MDN1: variants seen among roughly 807,000 people sequenced by gnomAD.
MDN1 encodes the protein midasin AAA ATPase 1.
A neutral mutation model predicts 669.2 loss-of-function variants in MDN1; 266 were observed. The ratio of observed to expected loss-of-function variants is 0.40; its 90% CI spans 0.36 to 0.44. The LOEUF (loss-of-function observed/expected upper bound fraction) is 0.44. Ranked by LOEUF, MDN1 falls within the 20% of genes least tolerant of loss-of-function variation. MDN1 has a pLI of 1.00. For synonymous variants in MDN1, 2,385 were observed against 2,457.1 expected, an observed-to-expected ratio of 0.97 and a Z score of 0.87; for missense variants, 5,940 against 6,754.0, an observed-to-expected ratio of 0.88 and a Z score of 4.22.
chr6:89,681,127 T>G (rs1472427454), intron 73 of MDN1, among the ~76,000 whole-genome samples: 38 of 152,092 alleles, frequency 2.5e-4, no homozygotes, highest in Non-Finnish European at 5.9e-5. Context: ...CCTACTCCTG[T>G]GACCAGTTAC....
At chr6:89,708,196 G>C (rs578167704) in intron 51 of MDN1, among the ~76,000 whole-genome samples, 1 of 152,162 alleles carries the variant, frequency 6.6e-6, no homozygotes, top group Non-Finnish European at 1.5e-5. Context: ...CCAGGTACTT[G>C]GGAGGCTGAG....
Position 89,787,888 on chromosome 6 carries a change from C to T in MDN1, c.1300G>A (p.Val434Met), listed in dbSNP as rs1338936220. ...GCAAAAAACTGAAATCCAGGTGCCA[C>T]TTTCAGACAGTCACCTCGGCCAGGA... ...LIPGRGDCLK[V>M]APGFQFFATR... The change falls in exon 8 of 102, where the codon GTG becomes ATG. Residue 434 changes from valine to methionine, a missense_variant. Coordinates refer to ENST00000369393, the MANE Select transcript of MDN1 (RefSeq NM_014611.3). 6.2e-7 allele frequency: 1 copy of T among 1,613,582 alleles called. No individual in the cohort carries two copies. Among genetic ancestry groups the T allele is most frequent in the East Asian group, 2.2e-5 (1 of 44,894 alleles).
rs1306278416 is a variant in MDN1, at chr6:89,656,820, A to G, written c.15184-19T>C. 6.2e-7 allele frequency: 1 copy of G among 1,602,954 alleles called. No homozygotes were observed. The highest frequency in any genetic ancestry group is 1.7e-5 in the Admixed American group (1 of 59,204). ...CGTGTTCCTAGGAAATCCAAGCCAC[A>G]AAAGAATGAGGTGAAAGAAGCTATT... On this transcript the variant is annotated intron_variant, in intron 90 of 101. Coordinates refer to ENST00000369393, the MANE Select transcript of MDN1 (RefSeq NM_014611.3).
intron 1 of MDN1, among the ~76,000 whole-genome samples, chr6:89,806,163 C>T (rs1398634340): frequency 6.6e-6 from 1 of 152,104 alleles, no homozygotes; most frequent in African/African-American, 2.4e-5. Flanking sequence ...ATCTCAAACT[C>T]CTGAGCTCAA....
chr6:89,796,334 A>AAAC (rs1554199806), intron 2 of MDN1, among the ~76,000 whole-genome samples: 1 of 111,472 alleles, frequency 9.0e-6, no homozygotes, highest in African/African-American at 2.7e-5. Flanking sequence ...CAAAAAAAAA[A>AAAC]AAAAAAAAAA....
chr6:89,768,972 T>G (rs758381820), intron 15 of MDN1, among the ~76,000 whole-genome samples: 3 of 151,984 alleles, frequency 2.0e-5, no homozygotes, highest in Admixed American at 6.6e-5. Flanking sequence ...AAGGATCACT[T>G]GAGCCCAGAA....
At chr6:89,722,901 C>A in intron 40 of MDN1, 54 bp downstream of exon 40, 2 of 1,502,726 alleles carry the variant, frequency 1.3e-6, no homozygotes, top group South Asian at 1.3e-5. Flanking sequence ...TTCTCACCCA[C>A]AGGAAATCAA....
At chr6:89,644,987 G>T in intron 101 of MDN1, 28 bp downstream of exon 101, 1 of 1,569,666 alleles carries the variant, frequency 6.4e-7, no homozygotes, top group Non-Finnish European at 8.7e-7. Context: ...TTTACCTCCA[G>T]AAAAGGTGGC....
intron 30 of MDN1, 60 bp from the exon 31 acceptor site, chr6:89,743,340 G>T (rs1283674869): frequency 6.3e-7 from 1 of 1,596,252 alleles, no homozygotes; most frequent in East Asian, 2.2e-5. Context: ...CAATATACAT[G>T]CAGCTGGCTG....
chr6:89,699,175 C>A, intron 58 of MDN1, 140 bp from the exon 59 acceptor site: 1 of 710,440 alleles, frequency 1.4e-6, no homozygotes, highest in Non-Finnish European at 2.2e-6. Flanking sequence ...TCTCTGCCAC[C>A]CCAGTCAACT....
intron 69 of MDN1, 79 bp downstream of exon 69, chr6:89,686,823 C>A: frequency 6.5e-7 from 1 of 1,543,452 alleles, no homozygotes; most frequent in Non-Finnish European, 8.8e-7. Context: ...GAAGCGGGAG[C>A]AGGAAAATCC....
At chr6:89,800,039 G>C (rs1204493708) in intron 2 of MDN1, among the ~76,000 whole-genome samples, 1 of 152,046 alleles carries the variant, frequency 6.6e-6, no homozygotes, top group Non-Finnish European at 1.5e-5. Context: ...AACTGCCAGA[G>C]AGGAGAAAGG....
chr6:89,733,437 G>A (rs75657409), intron 33 of MDN1, among the ~76,000 whole-genome samples: 5 of 151,716 alleles, frequency 3.3e-5, no homozygotes, highest in Admixed American at 6.6e-5. Flanking sequence ...TTTATAAAAC[G>A]TCTTAAGTCA....
At chr6:89,711,925 C>T (rs1813958411) in intron 49 of MDN1, 111 bp downstream of exon 49, 2 of 1,005,114 alleles carry the variant, frequency 2.0e-6, no homozygotes, top group Non-Finnish European at 2.9e-6. Flanking sequence ...AGGAGACCTC[C>T]CAACTGTAAT....
At chr6:89,696,688 A>C in intron 59 of MDN1, 114 bp from the exon 60 acceptor site, 2 of 731,726 alleles carry the variant, frequency 2.7e-6, no homozygotes, top group South Asian at 3.4e-5. Flanking sequence ...GGAACAGGTA[A>C]GCATCACTCA....
chr6:89,707,457 G>A lies in MDN1; in HGVS notation c.7918C>T (p.Arg2640Trp), dbSNP rs75776170. Residue 2640 changes from arginine to tryptophan, a missense_variant, in exon 52 of 102, where the codon CGG (arginine) becomes TGG (tryptophan). By Grantham distance (101) the Arg-to-Trp change is moderately radical (BLOSUM62 -3). This residue lies in a region of MDN1 where 2,292 missense variants were observed against 2,638.3 expected (regional missense o/e 0.87). Transcript: ENST00000369393. ...GCTTCAGTAAAAACCCGTTTTTCCC[G>A]GTCAAGATATATGATTGTCCTGGAA... ...AANKTIIYLD[R>W]EKRVFTEANL... 518 of 1,611,630 alleles carry A rather than the reference G, an allele frequency of 3.2e-4. No homozygotes were observed. The African/African-American group carries it at 6.4e-3, about 20-fold the overall frequency.
rs1562203172 is a variant in MDN1 at position 89,772,725 on chromosome 6, G to C, written c.1935-4C>G. 2 of 1,610,680 alleles carry C rather than the reference G, an allele frequency of 1.2e-6. No individual in the cohort carries two copies. The highest frequency in any genetic ancestry group is 1.1e-5 in the South Asian group (1 of 90,740). ...AGCAGCGAAAGTGAACTTCTCCCTG[G>C]GAAGGAGAAAAAAAGAGTTTAAAAA... is the stretch of plus-strand genomic sequence containing the variant. On this transcript the variant is annotated splice_region_variant and splice_polypyrimidine_tract_variant and intron_variant, in intron 13 of 101. Transcript: ENST00000369393.
Position 89,655,908 on chromosome 6 carries a change from G to A in MDN1, c.15346C>T (p.Arg5116Cys), listed in dbSNP as rs764822308. Residue 5116 changes from arginine (R) to cysteine (C), a missense_variant, in exon 92 of 102, where the codon CGT becomes TGT. Coordinates refer to ENST00000369393, the MANE Select transcript of MDN1 (RefSeq NM_014611.3). ...ACAGTCCTCAGCCTCTTGTGCACAC[G>A]CTCATTGTGATCACCCATGGAACGT... The part of the protein sequence containing the change: ...NERSMGDHNE[R>C]VHKRLRTVDT... The A allele has an allele frequency of 6.8e-6, 11 of 1,613,918 alleles. No individual in the cohort carries two copies. In the South Asian group the frequency reaches 8.8e-5, roughly 13 times the overall value.
chr6:89,775,861 A>AT (rs945575308), intron 12 of MDN1, among the ~76,000 whole-genome samples: 1 of 151,604 alleles, frequency 6.6e-6, no homozygotes, highest in African/African-American at 2.4e-5. Context: ...AATTTATTGT[A>AT]TTTTTTTAGT....
Sources: gnomAD v4.1 joint callset for allele counts (sites outside exome capture counted in the v4.1 genomes callset) on GRCh38, gnomAD v4.1.1 for gene constraint, gnomAD v4.1.1 regional missense constraint, MANE v1.5 for transcripts, NCBI Gene and HGNC (gene_info 2026-07-23, HGNC 2026-07-21) for gene names.